PPP2R2B: variants seen among roughly 807,000 people sequenced by gnomAD.
PPP2R2B encodes protein phosphatase 2 regulatory subunit Bbeta.
A neutral mutation model predicts 46.0 loss-of-function variants in PPP2R2B; 5 were observed. That is an observed-to-expected ratio of 0.11 (90% CI 0.06 to 0.23). PPP2R2B has a LOEUF of 0.23. Ranked by LOEUF, PPP2R2B falls within the 10% of genes least tolerant of loss-of-function variation. PPP2R2B has a pLI of 1.00. For synonymous variants in PPP2R2B, 215 were observed against 206.7 expected (o/e 1.04, Z -0.34); for missense variants, 367 against 575.0 (o/e 0.64, Z 3.70).
At chr5:146,983,159 A>G (rs1277851669) in intron 1 of PPP2R2B, among the ~76,000 whole-genome samples, 1 of 124,000 alleles carries the variant, frequency 8.1e-6, no homozygotes, top group African/African-American at 2.9e-5. Context: ...TGGTTTATCT[A>G]TCGTGTTTTC....
chr5:146,616,539 T>A (rs1245695102), intron 7 of PPP2R2B, among the ~76,000 whole-genome samples: 1 of 152,008 alleles, frequency 6.6e-6, no homozygotes, highest in East Asian at 1.9e-4. Flanking sequence ...GAAAAAAATA[T>A]CTAATCCATT....
At chr5:146,678,597 C>T (rs1777908625) in intron 5 of PPP2R2B, among the ~76,000 whole-genome samples, 1 of 138,842 alleles carries the variant, frequency 7.2e-6, no homozygotes, top group South Asian at 2.3e-4. Flanking sequence ...AAGAGGAAGT[C>T]AAATTGTCCC....
At chr5:147,000,790 C>A (rs1383999782) in intron 1 of PPP2R2B, among the ~76,000 whole-genome samples, 2 of 152,010 alleles carry the variant, frequency 1.3e-5, no homozygotes, top group Non-Finnish European at 2.9e-5. Flanking sequence ...GCAGTGAGCA[C>A]CATCAGCAAA....
chr5:146,923,503 C>T (rs1246046361), intron 1 of PPP2R2B, among the ~76,000 whole-genome samples: 1 of 152,194 alleles, frequency 6.6e-6, no homozygotes, highest in Non-Finnish European at 1.5e-5. Flanking sequence ...ACCATTGCAC[C>T]ATTGGCATTC....
intron 2 of PPP2R2B, among the ~76,000 whole-genome samples, chr5:146,856,888 G>GA (rs1469083705): frequency 4.6e-5 from 7 of 152,236 alleles, no homozygotes; most frequent in East Asian, 1.9e-4. Context: ...CTGGGAAACT[G>GA]AAAAAATCAA....
intron 1 of PPP2R2B, chr5:146,917,749 C>T (rs1329879573): frequency 1.3e-5 from 2 of 152,218 alleles, no homozygotes; most frequent in African/African-American, 4.8e-5. Flanking sequence ...CATAATCTAT[C>T]TGTAGCAAGA....
At chr5:146,843,582 T>C (rs577363990) in intron 2 of PPP2R2B, among the ~76,000 whole-genome samples, 122 of 152,350 alleles carry the variant, frequency 8.0e-4, no homozygotes, top group African/African-American at 2.9e-3. Flanking sequence ...AATTAGATGA[T>C]ATCATCTCAC....
At chr5:146,748,005 A>G (rs1432760) in intron 2 of PPP2R2B, among the ~76,000 whole-genome samples, 8,991 of 152,218 alleles carry the variant, frequency 0.059, 428 homozygotes, top group African/African-American at 0.13. Flanking sequence ...TGGATTCTCT[A>G]TGTGGTACAG....
At chr5:146,749,684 C>T (rs1185889418) in intron 2 of PPP2R2B, among the ~76,000 whole-genome samples, 1 of 150,284 alleles carries the variant, frequency 6.7e-6, no homozygotes. Context: ...CTGCAAGCTC[C>T]GCCTCCCAGG....
intron 2 of PPP2R2B, among the ~76,000 whole-genome samples, chr5:146,766,746 C>A (rs563023874): frequency 6.6e-6 from 1 of 152,030 alleles, no homozygotes; most frequent in Non-Finnish European, 1.5e-5. Context: ...GTGGGCCCTA[C>A]GGCACCATAA....
intron 1 of PPP2R2B, among the ~76,000 whole-genome samples, chr5:146,994,534 T>C (rs999947924): frequency 6.6e-5 from 10 of 152,174 alleles, no homozygotes; most frequent in Non-Finnish European, 1.5e-4. Context: ...CCACTGGAGC[T>C]TAAGCCTCCT....
chr5:146,852,837 G>A (rs1466149935), intron 2 of PPP2R2B, among the ~76,000 whole-genome samples: 1 of 152,136 alleles, frequency 6.6e-6, no homozygotes, highest in Non-Finnish European at 1.5e-5. Flanking sequence ...CAGGAAAAAG[G>A]TCTATTTGAC....
chr5:147,055,146 T>C (rs1757017096), intron 1 of PPP2R2B, among the ~76,000 whole-genome samples: 1 of 152,208 alleles, frequency 6.6e-6, no homozygotes. Flanking sequence ...GAAAGTCAGC[T>C]GTGTTCTTAC....
chr5:146,589,199 T>C lies in PPP2R2B; in HGVS notation c.*748A>G. On this transcript the variant is annotated 3_prime_UTR_variant, in exon 10 of 10. Transcript: ENST00000394411. ...AGAGTAACAAGGCAGCAGATGGAAT[T>C]TGGCCCCGCCTGGCCCTGCCAAGCT... The C allele has an allele frequency of 6.6e-6, 1 of 152,316 alleles. No individual in the cohort carries two copies. The allele number at this position is 152,316 out of a possible 1,614,324, so 9.4% of individuals were successfully genotyped here. A position where few individuals can be genotyped will look rare whatever the true frequency, so the allele number is the denominator to read the frequency against.
intron 5 of PPP2R2B, among the ~76,000 whole-genome samples, chr5:146,681,098 C>T (rs143212822): frequency 1.6e-4 from 25 of 152,248 alleles, no homozygotes; most frequent in Non-Finnish European, 2.2e-4. Context: ...TTGCAACGTA[C>T]TAGGATCAAA....
At chr5:146,772,642 T>C (rs951419198) in intron 2 of PPP2R2B, among the ~76,000 whole-genome samples, 1 of 152,036 alleles carries the variant, frequency 6.6e-6, no homozygotes, top group African/African-American at 2.4e-5. Flanking sequence ...AAAACTGCTC[T>C]TCAGGGGCCT....
intron 2 of PPP2R2B, among the ~76,000 whole-genome samples, chr5:146,706,047 G>A (rs1452891672): frequency 2.6e-5 from 4 of 151,984 alleles, no homozygotes; most frequent in Non-Finnish European, 5.9e-5. Context: ...GGCAAGGGGC[G>A]GGGGTCCCCA....
At chr5:147,019,018 T>C (rs750625744) in intron 1 of PPP2R2B, among the ~76,000 whole-genome samples, 94 of 152,312 alleles carry the variant, frequency 6.2e-4, no homozygotes, top group Non-Finnish European at 1.1e-3. Context: ...TGTTTATTAC[T>C]GCAAGATCAT....
intron 5 of PPP2R2B, among the ~76,000 whole-genome samples, chr5:146,661,501 A>T (rs999009311): frequency 1.3e-5 from 2 of 152,126 alleles, no homozygotes; most frequent in Non-Finnish European, 2.9e-5. Context: ...TTTCAAAGAC[A>T]TATAAAATAT....
Sources: allele counts gnomAD v4.1 joint callset (sites outside exome capture counted in the v4.1 genomes callset), GRCh38; gene constraint gnomAD v4.1.1; transcripts MANE v1.5; gene names NCBI Gene and HGNC (gene_info 2026-07-23, HGNC 2026-07-21).